PIWIL2: variants seen among roughly 807,000 people sequenced by gnomAD.
The protein encoded by PIWIL2 is piwi-like protein 2.
In PIWIL2, 81 loss-of-function variants were observed where a neutral mutation model predicts 116.5. That is an observed-to-expected ratio of 0.70 (90% CI 0.58 to 0.84). The LOEUF (loss-of-function observed/expected upper bound fraction) is 0.84. Among genes scored for constraint, PIWIL2 ranks in the 40% least tolerant of loss-of-function variants. The probability of loss-of-function intolerance (pLI) is 0.00; values close to 1 mark genes in which losing one functional copy is unlikely to be tolerated. For synonymous variants in PIWIL2, 489 were observed against 429.5 expected, an observed-to-expected ratio of 1.14 and a Z score of -1.71; for missense variants, 1,272 against 1,212.3, an observed-to-expected ratio of 1.05 and a Z score of -0.73.
chr8:22,314,115 T>C (rs1166457839), intron 16 of PIWIL2, among the ~76,000 whole-genome samples: 1 of 152,176 alleles, frequency 6.6e-6, no homozygotes, highest in Non-Finnish European at 1.5e-5. Flanking sequence ...TAGTAACATA[T>C]TACCTATCTA....
At chr8:22,277,711 A>G (rs1299368463) in intron 1 of PIWIL2, among the ~76,000 whole-genome samples, 1 of 152,176 alleles carries the variant, frequency 6.6e-6, no homozygotes, top group Non-Finnish European at 1.5e-5. Flanking sequence ...AGAATTGGAT[A>G]GAGATTCGGA....
chr8:22,349,251 C>G (rs1225545093), intron 20 of PIWIL2, among the ~76,000 whole-genome samples: 1 of 151,050 alleles, frequency 6.6e-6, no homozygotes, highest in Non-Finnish European at 1.5e-5. Flanking sequence ...AAGTCATCCG[C>G]CTGCCTCAGC....
At chr8:22,333,851 G>T (rs763303830) in intron 20 of PIWIL2, among the ~76,000 whole-genome samples, 1 of 151,954 alleles carries the variant, frequency 6.6e-6, no homozygotes, top group Admixed American at 6.6e-5. Flanking sequence ...CCTTAATTCG[G>T]TGAATTGTAG....
chr8:22,322,608 C>T (rs956008781), intron 20 of PIWIL2, among the ~76,000 whole-genome samples: 10 of 151,166 alleles, frequency 6.6e-5, no homozygotes, highest in African/African-American at 2.2e-4. Context: ...CCCGTCCCAT[C>T]CCATCTTGTC....
Position 22,354,073 on chromosome 8 carries a change from G to A in PIWIL2, c.2658-198G>A, listed in dbSNP as rs116240881. Reference sequence around the variant, plus strand: ...TTACAGGCATGAGTCACTGCACCCAGCCTGTTACCACCATTCTTCAGTAGC... The same window carrying A: ...TTACAGGCATGAGTCACTGCACCCAACCTGTTACCACCATTCTTCAGTAGC... On this transcript the variant is annotated intron_variant, in intron 21 of 22. Coordinates refer to ENST00000356766, the MANE Select transcript of PIWIL2 (RefSeq NM_018068.5). Among the ~76,000 whole-genome samples, 518 of 152,166 alleles carry A rather than the reference G, an allele frequency of 3.4e-3. 1 individual carries two copies. The highest frequency in any genetic ancestry group is 0.012 in the African/African-American group (498 of 41,524).
chr8:22,287,741 G>A, intron 7 of PIWIL2, 96 bp downstream of exon 7: 1 of 801,838 alleles, frequency 1.2e-6, no homozygotes, highest in Non-Finnish European at 2.2e-6. Flanking sequence ...GTCTTGCTAT[G>A]TTGCCCAGAC....
rs1209088805 is a variant in PIWIL2, at chr8:22,289,909, T to C, written c.1049T>C (p.Met350Thr). ...GRNFYDPTSA[M>T]VLQQHRLQIW... Reference sequence around the variant, plus strand: ...AACTTTTATGACCCTACAAGTGCTATGGTACTACAGCAACACAGGTTGGTA... The same window carrying C: ...AACTTTTATGACCCTACAAGTGCTACGGTACTACAGCAACACAGGTTGGTA... The change falls in exon 9 of 23, where the codon ATG becomes ACG. Residue 350 changes from methionine (M) to threonine (T), a missense_variant. Met to Thr is a moderately conservative substitution (Grantham distance 81). Coordinates refer to ENST00000356766, the MANE Select transcript of PIWIL2 (RefSeq NM_018068.5). The C allele has an allele frequency of 1.9e-6, 3 of 1,609,590 alleles. No homozygotes were observed. Among genetic ancestry groups the C allele is most frequent in the Non-Finnish European group, 2.6e-6 (3 of 1,176,006 alleles).
In PIWIL2 at chr8:22,355,454, C is replaced by T; in HGVS notation, c.2871C>T (p.Ile957=). 6.2e-7 allele frequency: 1 copy of T among 1,614,176 alleles called. No homozygotes were observed. The highest frequency in any genetic ancestry group is 1.1e-5 in the South Asian group (1 of 91,082). Residue 957 remains isoleucine, a synonymous_variant, in exon 23 of 23, where the codon ATC becomes ATT. Transcript: ENST00000356766. ...AHKLAFLSGH[I]LHHEPAIQLC... ...AGCTAGCTTTCCTGTCAGGACACATCTTGCATCATGAACCAGCCATCCAGC... is the reference window on the plus strand; with the variant it reads ...AGCTAGCTTTCCTGTCAGGACACATTTTGCATCATGAACCAGCCATCCAGC...
At chr8:22,314,209 T>C in intron 16 of PIWIL2, 119 bp from the exon 17 acceptor site, 1 of 457,368 alleles carries the variant, frequency 2.2e-6, no homozygotes, top group Non-Finnish European at 3.9e-6. Context: ...TTTATTTCAG[T>C]TCCCTGTCTT....
intron 20 of PIWIL2, among the ~76,000 whole-genome samples, chr8:22,346,755 A>C (rs1832235553): frequency 6.6e-6 from 1 of 152,182 alleles, no homozygotes; most frequent in Non-Finnish European, 1.5e-5. Flanking sequence ...TTTACTTAGA[A>C]ATAACAATAA....
chr8:22,304,620 G>C (rs555089031), intron 11 of PIWIL2, among the ~76,000 whole-genome samples, 164 bp from the exon 12 acceptor site: 1 of 152,142 alleles, frequency 6.6e-6, no homozygotes, highest in Non-Finnish European at 1.5e-5. Context: ...ATTTGAGCCT[G>C]CTTTTTCCTG....
At chr8:22,326,761 T>C (rs182051048) in intron 20 of PIWIL2, among the ~76,000 whole-genome samples, 1 of 152,342 alleles carries the variant, frequency 6.6e-6, no homozygotes, top group African/African-American at 2.4e-5. Context: ...ATTTGGGCTG[T>C]TCTCACATTT....
At chr8:22,305,262 A>C (rs1831148747) in intron 12 of PIWIL2, among the ~76,000 whole-genome samples, 1 of 151,550 alleles carries the variant, frequency 6.6e-6, no homozygotes, top group South Asian at 2.1e-4. Flanking sequence ...GCGCAATCTC[A>C]GCTCACTGCA....
chr8:22,315,948 T>C (rs974443396), intron 18 of PIWIL2, among the ~76,000 whole-genome samples: 2 of 152,190 alleles, frequency 1.3e-5, no homozygotes, highest in African/African-American at 4.8e-5. Flanking sequence ...ATGTCGGTGC[T>C]CAAAAGCTTT....
At chr8:22,313,509 A>C (rs1390702272) in intron 16 of PIWIL2, among the ~76,000 whole-genome samples, 1 of 152,250 alleles carries the variant, frequency 6.6e-6, no homozygotes, top group Non-Finnish European at 1.5e-5. Context: ...TGCTGTGTCC[A>C]GTCCATAGGC....
chr8:22,345,877 G>T, intron 20 of PIWIL2, among the ~76,000 whole-genome samples: 1 of 152,092 alleles, frequency 6.6e-6, no homozygotes. Flanking sequence ...GTCTAGTATA[G>T]TCCAACCCAT....
chr8:22,293,525 A>C (rs1441688131), intron 10 of PIWIL2, among the ~76,000 whole-genome samples: 1 of 152,046 alleles, frequency 6.6e-6, no homozygotes, highest in African/African-American at 2.4e-5. Context: ...GGGTTTCGCC[A>C]TGTTGGCCAG....
At chr8:22,293,738 C>G (rs1830820299) in intron 10 of PIWIL2, among the ~76,000 whole-genome samples, 1 of 152,196 alleles carries the variant, frequency 6.6e-6, no homozygotes, top group Non-Finnish European at 1.5e-5. Context: ...TCCACAGATT[C>G]AAATCACTGC....
chr8:22,279,255 C>A (rs1830445092), intron 1 of PIWIL2, 86 bp from the exon 2 acceptor site: 9 of 720,374 alleles, frequency 1.2e-5, no homozygotes, highest in Middle Eastern at 4.9e-4. Context: ...TGGACTGACT[C>A]AAAATACTAT....
Sources: gnomAD v4.1 joint callset for allele counts (sites outside exome capture counted in the v4.1 genomes callset) on GRCh38, gnomAD v4.1.1 for gene constraint, MANE v1.5 for transcripts, NCBI Gene and HGNC (gene_info 2026-07-23, HGNC 2026-07-21) for gene names.